HLA-DMB: variants seen among roughly 807,000 people sequenced by gnomAD.
The protein encoded by HLA-DMB is HLA class II histocompatibility antigen, DM beta chain.
A neutral mutation model predicts 29.3 loss-of-function variants in HLA-DMB; 18 were observed. The observed-to-expected ratio is 0.62, with a 90% CI of 0.43 to 0.91. HLA-DMB has a LOEUF of 0.91. Ranked by LOEUF, HLA-DMB falls within the 40% of genes least tolerant of loss-of-function variation. The pLI is 0.00. For synonymous variants in HLA-DMB, 143 were observed against 128.7 expected (o/e 1.11, Z -0.75); for missense variants, 258 against 320.9 (o/e 0.80, Z 1.50).
At position 32,940,839 on chromosome 6, in the gene HLA-DMB, TC is replaced by T; in HGVS notation, c.-33del. ...CTCTGTAAAGATGCCGGGAGTTCAG[TC>T]CCCTGGACCAGCTCTTCCAGGGTCC... is the stretch of plus-strand genomic sequence containing the variant. On this transcript the variant is annotated 5_prime_UTR_variant, in exon 1 of 6. Coordinates refer to ENST00000418107, the MANE Select transcript of HLA-DMB (RefSeq NM_002118.5). 6.4e-7 allele frequency: 1 copy of T among 1,562,492 alleles called. No homozygotes were observed. Among genetic ancestry groups the T allele is most frequent in the Non-Finnish European group, 8.7e-7 (1 of 1,151,814 alleles).
chr6:32,939,542 G>C (rs1776223678), intron 1 of HLA-DMB, among the ~76,000 whole-genome samples: 1 of 152,088 alleles, frequency 6.6e-6, no homozygotes, highest in African/African-American at 2.4e-5. Flanking sequence ...GCAAAATTAT[G>C]ATCTAGTGTT....
intron 2 of HLA-DMB, 52 bp downstream of exon 2, chr6:32,938,632 T>G (rs1776153651): frequency 6.9e-7 from 1 of 1,442,008 alleles, no homozygotes; most frequent in Non-Finnish European, 9.2e-7. Flanking sequence ...CTCCCTGGCC[T>G]GCCCTCCTAA....
rs766072463 is a variant in HLA-DMB, at chr6:32,937,534, G to A, written c.338-78C>T. 1.1e-4 allele frequency: 164 copies of A among 1,431,272 alleles called. No individual in the cohort carries two copies. The highest frequency in any genetic ancestry group is 2.2e-4 in the Middle Eastern group (1 of 4,546). The allele number at this position is 1,431,272 out of a possible 1,614,324, so 88.7% of individuals were successfully genotyped here. On this transcript the variant is annotated intron_variant, in intron 2 of 5. Transcript: ENST00000418107. This position sits in a 1 kb window ranked among gnomAD's most constrained non-coding sequence, Gnocchi z 4.1. ...TCCTCAACCTGGTTTCTTCCCTATC[G>A]CAACTCTTCGTAGATTTTGCAACCC...
chr6:32,938,496 C>A (rs1776141656), intron 2 of HLA-DMB, 188 bp downstream of exon 2: 2 of 517,876 alleles, frequency 3.9e-6, no homozygotes, highest in Non-Finnish European at 3.1e-6. Flanking sequence ...TTCTTTACTC[C>A]TGTTCCACTC....
Position 32,937,222 on chromosome 6 carries a change from G to C in HLA-DMB, c.572C>G (p.Thr191Ser). ...ALTPSYGDTYTCVVEHTGAPE... is the reference protein window; with the variant it reads ...ALTPSYGDTYSCVVEHTGAPE... ...AGCCCCAGTGTGCTCTACCACACAGGTGTAAGTGTCCCCGTAAGAGGGGGT... is the reference window on the plus strand; with the variant it reads ...AGCCCCAGTGTGCTCTACCACACAGCTGTAAGTGTCCCCGTAAGAGGGGGT... Residue 191 changes from threonine to serine, a missense_variant, in exon 3 of 6, where the codon ACC (threonine) becomes AGC (serine). Transcript: ENST00000418107. This position sits in a 1 kb window ranked among gnomAD's most constrained non-coding sequence, Gnocchi z 4.1. The C allele has an allele frequency of 6.2e-7, 1 of 1,613,656 alleles. No homozygotes were observed. Among genetic ancestry groups the C allele is most frequent in the Non-Finnish European group, 8.5e-7 (1 of 1,179,678 alleles).
At chr6:32,935,176 T>A in intron 5 of HLA-DMB, 166 bp downstream of exon 5, 2 of 822,530 alleles carry the variant, frequency 2.4e-6, no homozygotes, top group Non-Finnish European at 4.1e-6. Flanking sequence ...AGGATGCTCC[T>A]TCCTGCTCTT....
rs1776096659 is a variant in HLA-DMB at position 32,937,795 on chromosome 6, A to G, written c.338-339T>C. 3.2e-6 allele frequency: 1 copy of G among 309,606 alleles called. No homozygotes were observed. The highest frequency in any genetic ancestry group is 6.9e-5 in the South Asian group (1 of 14,516). 19.2% of individuals were successfully genotyped at this position (309,606 alleles called of 1,614,324 possible). ...GGAAAGTATTTGAAATAAGGAAGCT[A>G]AGAGTAATCCAGAGTTGTACATTGG... On this transcript the variant is annotated intron_variant, in intron 2 of 5. Coordinates refer to ENST00000418107, the MANE Select transcript of HLA-DMB (RefSeq NM_002118.5). The surrounding 1 kb of genome is among the most constrained non-coding windows in gnomAD (Gnocchi z 4.1).
At position 32,938,939 on chromosome 6, in the gene HLA-DMB, T is replaced by C. The variant is rs17583782; in HGVS notation, c.82A>G (p.Thr28Ala). ...GTCCCAGCATCATCCAACAGACAGG[T>C]GCTTTCCACATGGGCCACGAAGCCA... ...AGGFVAHVESTCLLDDAGTPK... is the reference protein window; with the variant it reads ...AGGFVAHVESACLLDDAGTPK... Residue 28 changes from threonine to alanine, a missense_variant, in exon 2 of 6, where the codon ACC (threonine) becomes GCC (alanine). Transcript: ENST00000418107. 45,962 of 1,588,056 alleles carry C rather than the reference T, an allele frequency of 0.029. 751 individuals are homozygous for C. Among genetic ancestry groups the C allele is most frequent in the South Asian group, 0.044 (3,877 of 88,186 alleles).
At chr6:32,939,162 G>T (rs12176532) in intron 1 of HLA-DMB, among the ~76,000 whole-genome samples, 197 bp from the exon 2 acceptor site, 1 of 152,240 alleles carries the variant, frequency 6.6e-6, no homozygotes, top group South Asian at 2.1e-4. Flanking sequence ...GAATTTCCTA[G>T]ATAACAGGAG....
chr6:32,937,361 C>A lies in HLA-DMB; in HGVS notation c.433G>T (p.Val145Leu). 6.2e-7 allele frequency: 1 copy of A among 1,614,258 alleles called. No individual in the cohort carries two copies. Among genetic ancestry groups the A allele is most frequent in the South Asian group, 1.1e-5 (1 of 91,088 alleles). The change falls in exon 3 of 6, where the codon GTG (valine) becomes TTG (leucine). Residue 145 changes from valine to leucine, a missense_variant. Val to Leu is a conservative substitution (Grantham distance 32, BLOSUM62 1). Coordinates refer to ENST00000418107, the MANE Select transcript of HLA-DMB (RefSeq NM_002118.5). The surrounding 1 kb of genome is among the most constrained non-coding windows in gnomAD (Gnocchi z 4.1). ...CYVWGFYPAE[V>L]TITWRKNGKL... ...CCGTTCTTCCTCCACGTGATAGTCA[C>A]TTCTGCTGGATAGAAGCCCCACACA... is the stretch of plus-strand genomic sequence containing the variant.
intron 1 of HLA-DMB, among the ~76,000 whole-genome samples, chr6:32,940,462 C>T (rs72860398): frequency 0.022 from 3,367 of 152,280 alleles, 55 homozygotes; most frequent in South Asian, 0.039. Flanking sequence ...ATATTCACTT[C>T]GCACATATTT....
chr6:32,938,618 G>A, intron 2 of HLA-DMB, 66 bp downstream of exon 2: 3 of 1,377,466 alleles, frequency 2.2e-6, no homozygotes, highest in Non-Finnish European at 1.9e-6. Flanking sequence ...GCCACTGTGG[G>A]ATCCTCCCTG....
chr6:32,935,843 A>T, intron 3 of HLA-DMB, 191 bp from the exon 4 acceptor site: 1 of 600,062 alleles, frequency 1.7e-6, no homozygotes, highest in African/African-American at 1.9e-5. Flanking sequence ...CTCTACTCCT[A>T]GAGTAAGCCT....
rs770321064 is a variant in HLA-DMB, at chr6:32,940,847, A to T, written c.-40T>A. The T allele has an allele frequency of 6.5e-7, 1 of 1,543,936 alleles. No individual in the cohort carries two copies. Among genetic ancestry groups the T allele is most frequent in the African/African-American group, 1.4e-5 (1 of 73,222 alleles). ...AGATGCCGGGAGTTCAGTCCCCTGG[A>T]CCAGCTCTTCCAGGGTCCGTGGGTC... On this transcript the variant is annotated 5_prime_UTR_variant, in exon 1 of 6. Coordinates refer to ENST00000418107, the MANE Select transcript of HLA-DMB (RefSeq NM_002118.5).
chr6:32,935,928 C>A (rs1268835501), intron 3 of HLA-DMB: 2 of 484,030 alleles, frequency 4.1e-6, no homozygotes, highest in Non-Finnish European at 7.3e-6. Context: ...CTCAAGGCAT[C>A]CTCTTTCCTT....
At chr6:32,935,295 A>T in intron 5 of HLA-DMB, 47 bp downstream of exon 5, 1 of 1,492,870 alleles carries the variant, frequency 6.7e-7, no homozygotes, top group South Asian at 1.1e-5. Flanking sequence ...TCTAACCCGC[A>T]CCCCTACCAA....
At position 32,940,859 on chromosome 6, in the gene HLA-DMB, A is replaced by C; in HGVS notation, c.-52T>G. 1 of 1,479,670 alleles carries C rather than the reference A, an allele frequency of 6.8e-7. No individual in the cohort carries two copies. The highest frequency in any genetic ancestry group is 9.2e-7 in the Non-Finnish European group (1 of 1,081,712). The allele number at this position is 1,479,670 out of a possible 1,614,324, so 91.7% of individuals were successfully genotyped here. A position where few individuals can be genotyped will look rare whatever the true frequency, so the allele number is the denominator to read the frequency against. On this transcript the variant is annotated 5_prime_UTR_variant, in exon 1 of 6. Transcript: ENST00000418107. ...TTCAGTCCCCTGGACCAGCTCTTCCAGGGTCCGTGGGTCCTCGCCTGTCCC... is the reference window on the plus strand; with the variant it reads ...TTCAGTCCCCTGGACCAGCTCTTCCCGGGTCCGTGGGTCCTCGCCTGTCCC...
At chr6:32,935,828 T>C in intron 3 of HLA-DMB, 176 bp from the exon 4 acceptor site, 8 of 610,150 alleles carry the variant, frequency 1.3e-5, no homozygotes, top group East Asian at 8.2e-5. Flanking sequence ...CCTCGTCCCA[T>C]GGACCTCTAC....
chr6:32,935,221 C>T, intron 5 of HLA-DMB, 121 bp downstream of exon 5: 1 of 917,710 alleles, frequency 1.1e-6, no homozygotes, highest in Non-Finnish European at 1.8e-6. Context: ...CATGCCCTTG[C>T]CTAGATCCTC....
Sources: gnomAD v4.1 joint callset for allele counts (sites outside exome capture counted in the v4.1 genomes callset) on GRCh38, gnomAD v4.1.1 for gene constraint, Gnocchi (gnomAD v3.1) non-coding constraint, MANE v1.5 for transcripts, NCBI Gene and HGNC (gene_info 2026-07-23, HGNC 2026-07-21) for gene names.